Variants in SLC4A4 observed in about 807,000 individuals in gnomAD.
SLC4A4 encodes the protein electrogenic sodium bicarbonate cotransporter 1.
A neutral mutation model predicts 111.5 loss-of-function variants in SLC4A4; 27 were observed. That is an observed-to-expected ratio of 0.24 (90% CI 0.18 to 0.33). The LOEUF is 0.33. Ranked by LOEUF, SLC4A4 falls within the 10% of genes least tolerant of loss-of-function variation. SLC4A4 has a pLI of 1.00. For synonymous variants in SLC4A4, 443 were observed against 463.4 expected, an observed-to-expected ratio of 0.96 and a Z score of 0.57; for missense variants, 909 against 1,315.5, an observed-to-expected ratio of 0.69 and a Z score of 4.78.
intron 1 of SLC4A4, among the ~76,000 whole-genome samples, chr4:71,231,227 G>A (rs945577598): frequency 6.6e-6 from 1 of 152,214 alleles, no homozygotes; most frequent in African/African-American, 2.4e-5. Flanking sequence ...GGCCTGCCAC[G>A]TGCTGACTGG....
chr4:71,114,601 G>A (rs1252397999), intron 2 of SLC4A4, among the ~76,000 whole-genome samples: 1 of 150,678 alleles, frequency 6.6e-6, no homozygotes, highest in East Asian at 1.9e-4. Flanking sequence ...ACCATCACTG[G>A]CCATCAGAGA....
intron 2 of SLC4A4, among the ~76,000 whole-genome samples, chr4:71,160,625 G>A (rs1241655308): frequency 6.6e-6 from 1 of 151,244 alleles, no homozygotes; most frequent in Non-Finnish European, 1.5e-5. Flanking sequence ...GATGGGAGAT[G>A]GACTAGATGA....
At chr4:71,489,476 T>C (rs879739014) in intron 15 of SLC4A4, among the ~76,000 whole-genome samples, 15 of 151,748 alleles carry the variant, frequency 9.9e-5, no homozygotes, top group Non-Finnish European at 1.5e-4. Flanking sequence ...AAAGGTACTG[T>C]GAGTGTCAAC....
chr4:71,474,616 G>C (rs1728188240), intron 14 of SLC4A4, among the ~76,000 whole-genome samples: 1 of 151,858 alleles, frequency 6.6e-6, no homozygotes, highest in Non-Finnish European at 1.5e-5. Context: ...CAGTAACACT[G>C]ATGACAAGCT....
intron 12 of SLC4A4, among the ~76,000 whole-genome samples, chr4:71,454,171 C>T (rs535822241): frequency 6.6e-6 from 1 of 152,162 alleles, no homozygotes; most frequent in Admixed American, 6.5e-5. Context: ...ACAGTTATAT[C>T]TCCTGCAGGT....
At chr4:71,205,117 G>A (rs1256024318) in intron 1 of SLC4A4, among the ~76,000 whole-genome samples, 3 of 152,184 alleles carry the variant, frequency 2.0e-5, no homozygotes, top group African/African-American at 7.2e-5. Context: ...CAGCTTGTTT[G>A]TGTTGCCAGC....
chr4:71,379,421 GC>G (rs1292436053), intron 6 of SLC4A4, among the ~76,000 whole-genome samples: 1 of 151,846 alleles, frequency 6.6e-6, no homozygotes, highest in African/African-American at 2.4e-5. Flanking sequence ...TGTTCCAATT[GC>G]CCCCTCTTGA....
intron 16 of SLC4A4, among the ~76,000 whole-genome samples, chr4:71,513,726 C>G (rs1320278919): frequency 6.6e-6 from 1 of 152,256 alleles, no homozygotes; most frequent in East Asian, 1.9e-4. Context: ...GAAGGGCTTT[C>G]AACTTGTCCT....
At chr4:71,186,286 A>G (rs1745446235), upstream of SLC4A4, among the ~76,000 whole-genome samples, 1 of 152,250 alleles carries the variant, frequency 6.6e-6, no homozygotes, top group Admixed American at 6.5e-5. Flanking sequence ...CAACCACGTT[A>G]TCTTCAGACA....
chr4:71,242,794 C>G (rs533787762), intron 2 of SLC4A4, among the ~76,000 whole-genome samples: 1 of 145,814 alleles, frequency 6.9e-6, no homozygotes, highest in South Asian at 2.1e-4. Context: ...ATAATCTTTT[C>G]TACAAATCGT....
rs951016981 is a variant in SLC4A4 at position 71,560,083 on chromosome 4, G to A, written c.2938-10G>A. 3 of 1,600,402 alleles carry A rather than the reference G, an allele frequency of 1.9e-6. No homozygotes were observed. The highest frequency in any genetic ancestry group is 2.2e-5 in the South Asian group (2 of 90,804). Reference sequence around the variant, plus strand: ...GGTTTCTTTCATACTTTTAATATTTGCTCTTTCAGATCTTGGCACTTGTAG... The same window carrying A: ...GGTTTCTTTCATACTTTTAATATTTACTCTTTCAGATCTTGGCACTTGTAG... On this transcript the variant is annotated splice_polypyrimidine_tract_variant and intron_variant, in intron 22 of 25. Transcript: ENST00000264485.
intron 2 of SLC4A4, among the ~76,000 whole-genome samples, chr4:71,123,563 T>C (rs1743488293): frequency 6.6e-6 from 1 of 152,224 alleles, no homozygotes; most frequent in South Asian, 2.1e-4. Context: ...AAAAGACTTT[T>C]ATTTAATATT....
intron 2 of SLC4A4, among the ~76,000 whole-genome samples, chr4:71,099,406 C>G (rs1487967108): frequency 1.3e-5 from 2 of 151,856 alleles, no homozygotes; most frequent in African/African-American, 4.8e-5. Flanking sequence ...CTAATGAGAA[C>G]AAATATACCA....
At chr4:71,236,447 A>T in intron 1 of SLC4A4, 129 bp from the exon 2 acceptor site, 1 of 854,850 alleles carries the variant, frequency 1.2e-6, no homozygotes, top group Admixed American at 2.1e-5. Context: ...AGACACCAGA[A>T]GAAGAGTGAC....
intron 1 of SLC4A4, among the ~76,000 whole-genome samples, chr4:71,203,052 C>A (rs546670725): frequency 6.6e-6 from 1 of 151,800 alleles, no homozygotes; most frequent in Non-Finnish European, 1.5e-5. Context: ...CACATTTTGG[C>A]GGAGGGTGGT....
At chr4:71,514,977 A>G (rs1732248239) in intron 16 of SLC4A4, among the ~76,000 whole-genome samples, 1 of 151,322 alleles carries the variant, frequency 6.6e-6, no homozygotes. Flanking sequence ...TTTAGTCTGT[A>G]TTTGTTAGTT....
chr4:71,461,049 C>G (rs149015149), intron 12 of SLC4A4, among the ~76,000 whole-genome samples: 6 of 152,052 alleles, frequency 3.9e-5, no homozygotes, highest in Admixed American at 3.9e-4. Context: ...TGACATTGGG[C>G]TACCTCATAA....
intron 2 of SLC4A4, among the ~76,000 whole-genome samples, chr4:71,101,599 G>A (rs1041487098): frequency 2.0e-5 from 3 of 152,130 alleles, no homozygotes. Flanking sequence ...GCCTCCTCAG[G>A]TGGGTCCCTG....
chr4:71,407,168 T>C (rs1368641986), intron 7 of SLC4A4, among the ~76,000 whole-genome samples: 3 of 152,200 alleles, frequency 2.0e-5, no homozygotes, highest in Non-Finnish European at 4.4e-5. Context: ...TCGAAGTTTC[T>C]GGCTTTTGGT....
Sources: gnomAD v4.1 joint callset for allele counts (sites outside exome capture counted in the v4.1 genomes callset) on GRCh38, gnomAD v4.1.1 for gene constraint, MANE v1.5 for transcripts, NCBI Gene and HGNC (gene_info 2026-07-23, HGNC 2026-07-21) for gene names.